DLG2: variants seen among roughly 807,000 people sequenced by gnomAD.
The protein encoded by DLG2 is disks large homolog 2.
A neutral mutation model predicts 132.5 loss-of-function variants in DLG2; 45 were observed. That is an observed-to-expected ratio of 0.34 (90% CI 0.27 to 0.44). DLG2 has a LOEUF of 0.44. Among genes scored for constraint, DLG2 ranks in the 20% least tolerant of loss-of-function variants. The probability of loss-of-function intolerance (pLI) is 1.00; values close to 1 mark genes in which losing one functional copy is unlikely to be tolerated. For missense variants in DLG2, 1,045 were observed against 1,196.9 expected, an observed-to-expected ratio of 0.87 and a Z score of 1.87; for synonymous variants, 424 against 419.6, an observed-to-expected ratio of 1.01 and a Z score of -0.13.
intron 3 of DLG2, among the ~76,000 whole-genome samples, chr11:85,524,101 T>C (rs951229389): frequency 2.6e-5 from 4 of 152,046 alleles, no homozygotes; most frequent in African/African-American, 9.6e-5. Flanking sequence ...TAGTGAAGTG[T>C]TGGGAGGGAT....
chr11:84,195,245 T>C (rs1391432339), intron 8 of DLG2, among the ~76,000 whole-genome samples: 1 of 152,176 alleles, frequency 6.6e-6, no homozygotes, highest in Admixed American at 6.5e-5. Flanking sequence ...CTCACTGCAA[T>C]TGCCGCCTCC....
chr11:84,914,411 A>G (rs2092324320), intron 6 of DLG2, among the ~76,000 whole-genome samples: 1 of 152,230 alleles, frequency 6.6e-6, no homozygotes, highest in African/African-American at 2.4e-5. Flanking sequence ...TTTTATTATC[A>G]TATTCACTGC....
chr11:85,201,352 T>C (rs1282973027), intron 4 of DLG2, among the ~76,000 whole-genome samples: 3 of 152,194 alleles, frequency 2.0e-5, no homozygotes, highest in African/African-American at 7.2e-5. Context: ...CCACTCTTGC[T>C]ACAGTTGAAG....
At chr11:83,612,277 G>T (rs2060226687) in intron 19 of DLG2, among the ~76,000 whole-genome samples, 1 of 152,162 alleles carries the variant, frequency 6.6e-6, no homozygotes, top group African/African-American at 2.4e-5. Context: ...GTGTGATTTA[G>T]AACAGGCTTC....
chr11:84,493,500 T>G (rs553436582), intron 7 of DLG2, among the ~76,000 whole-genome samples: 2 of 152,242 alleles, frequency 1.3e-5, no homozygotes. Context: ...GCTCCTATTT[T>G]GGGAGCATTT....
At chr11:85,253,604 C>G (rs2076511652) in intron 4 of DLG2, among the ~76,000 whole-genome samples, 1 of 152,152 alleles carries the variant, frequency 6.6e-6, no homozygotes, top group African/African-American at 2.4e-5. Context: ...GGAAGGGTTA[C>G]AGTACTCTTT....
At chr11:83,742,089 C>T (rs2092562127) in intron 18 of DLG2, among the ~76,000 whole-genome samples, 1 of 152,010 alleles carries the variant, frequency 6.6e-6, no homozygotes, top group Non-Finnish European at 1.5e-5. Context: ...TGCTTCAGAC[C>T]AGCTAGAATA....
chr11:85,249,262 C>T (rs548578492), intron 4 of DLG2, among the ~76,000 whole-genome samples: 17 of 151,806 alleles, frequency 1.1e-4, no homozygotes, highest in Admixed American at 2.0e-4. Context: ...ATGATATTTA[C>T]ATATTAATCA....
intron 6 of DLG2, among the ~76,000 whole-genome samples, chr11:84,634,901 GGGAAATACC>G (rs1230789871): frequency 9.2e-5 from 14 of 152,210 alleles, no homozygotes; most frequent in Admixed American, 7.2e-4. Context: ...AGCACAAAGT[GGGAAATACC>G]GGACATCCTC....
At chr11:84,207,048 T>C (rs1238088353) in intron 8 of DLG2, among the ~76,000 whole-genome samples, 2 of 142,620 alleles carry the variant, frequency 1.4e-5, no homozygotes, top group East Asian at 4.1e-4. Context: ...ATACAAGATA[T>C]ATAAGAATAA....
At chr11:84,579,707 T>G (rs2099511898) in intron 6 of DLG2, among the ~76,000 whole-genome samples, 1 of 152,180 alleles carries the variant, frequency 6.6e-6, no homozygotes, top group Non-Finnish European at 1.5e-5. Flanking sequence ...GAGTACATCA[T>G]AAAGTATTGG....
At chr11:84,137,989 A>G (rs1230254980) in intron 9 of DLG2, among the ~76,000 whole-genome samples, 1 of 152,172 alleles carries the variant, frequency 6.6e-6, no homozygotes, top group East Asian at 1.9e-4. Context: ...TCCAAAGTGA[A>G]AATTATAATA....
intron 4 of DLG2, among the ~76,000 whole-genome samples, chr11:85,190,441 C>T (rs1187358829): frequency 1.3e-5 from 2 of 151,212 alleles, no homozygotes; most frequent in African/African-American, 4.9e-5. Context: ...CTGACATCAC[C>T]CCTAAAGGAG....
At chr11:85,539,936 TCA>T (rs1484391594) in intron 3 of DLG2, among the ~76,000 whole-genome samples, 1 of 152,078 alleles carries the variant, frequency 6.6e-6, no homozygotes, top group Non-Finnish European at 1.5e-5. Flanking sequence ...ACCCTAGAGG[TCA>T]CAACTTCCTA....
chr11:84,653,069 A>G (rs1373281182), intron 6 of DLG2, among the ~76,000 whole-genome samples: 1 of 151,822 alleles, frequency 6.6e-6, no homozygotes, highest in African/African-American at 2.4e-5. Flanking sequence ...AGCTGGGATT[A>G]CAGGCATGCG....
At chr11:83,516,882 G>A (rs866926826) in intron 21 of DLG2, among the ~76,000 whole-genome samples, 5 of 151,938 alleles carry the variant, frequency 3.3e-5, no homozygotes, top group African/African-American at 1.2e-4. Context: ...TAGAGTTTCT[G>A]CCGAGAGATC....
intron 7 of DLG2, among the ~76,000 whole-genome samples, chr11:84,435,946 A>T (rs995116262): frequency 2.0e-5 from 3 of 152,146 alleles, no homozygotes; most frequent in Admixed American, 2.0e-4. Flanking sequence ...TCTCTCATCC[A>T]TACAACTTAT....
intron 6 of DLG2, among the ~76,000 whole-genome samples, chr11:85,066,957 A>G (rs2065020090): frequency 6.6e-6 from 1 of 151,776 alleles, no homozygotes; most frequent in Admixed American, 6.6e-5. Context: ...GAAGAAATAA[A>G]AGGGATCCAA....
At chr11:83,660,871 C>G (rs1329655462) in intron 18 of DLG2, among the ~76,000 whole-genome samples, 1 of 152,010 alleles carries the variant, frequency 6.6e-6, no homozygotes, top group Non-Finnish European at 1.5e-5. Context: ...CTCATCTCTC[C>G]CCATATGTAC....
Sources: gnomAD v4.1 joint callset for allele counts (sites outside exome capture counted in the v4.1 genomes callset) on GRCh38, gnomAD v4.1.1 for gene constraint, MANE v1.5 for transcripts, NCBI Gene and HGNC (gene_info 2026-07-23, HGNC 2026-07-21) for gene names.